ZNF584: variants seen among roughly 807,000 people sequenced by gnomAD.
ZNF584 encodes zinc finger protein 584.
In ZNF584, 12 loss-of-function variants were observed where a neutral mutation model predicts 14.7. The observed-to-expected ratio is 0.82, with a 90% confidence interval of 0.52 to 1.32. The LOEUF (loss-of-function observed/expected upper bound fraction) is 1.32, where lower values mean the gene tolerates loss of function less well. Among genes scored for constraint, ZNF584 ranks in the 40% most tolerant of loss-of-function variants. ZNF584 has a pLI of 0.00. For missense variants in ZNF584, 478 were observed against 518.8 expected (o/e 0.92, Z 0.76); for synonymous variants, 204 against 190.9 (o/e 1.07, Z -0.57).
At chr19:58,410,604 T>C (rs1306152295) in intron 2 of ZNF584, among the ~76,000 whole-genome samples, 1 of 46,496 alleles carries the variant, frequency 2.2e-5, no homozygotes, top group Non-Finnish European at 3.5e-5. Context: ...TATATATATG[T>C]ATATATATGT....
intron 2 of ZNF584, among the ~76,000 whole-genome samples, chr19:58,413,698 G>A (rs891434346): frequency 3.3e-5 from 5 of 150,566 alleles, no homozygotes; most frequent in Non-Finnish European, 5.9e-5. Context: ...ACAGGGTTTC[G>A]CCATGTTGGC....
At chr19:58,409,718 C>T (rs1954744668) in intron 1 of ZNF584, among the ~76,000 whole-genome samples, 1 of 152,014 alleles carries the variant, frequency 6.6e-6, no homozygotes, top group African/African-American at 2.4e-5. Flanking sequence ...AGTAGTAACA[C>T]CAGAAGCATC....
At chr19:58,413,600 A>G (rs1166196475) in intron 2 of ZNF584, among the ~76,000 whole-genome samples, 1 of 145,854 alleles carries the variant, frequency 6.9e-6, no homozygotes, top group East Asian at 2.0e-4. Context: ...TCCGCCCCCC[A>G]AGTTCAAGCG....
At chr19:58,415,117 T>C (rs10408853) in intron 2 of ZNF584, among the ~76,000 whole-genome samples, 46,069 of 151,848 alleles carry the variant, frequency 0.3, 6,966 homozygotes, top group African/African-American at 0.32. Context: ...ATAGTCTTGA[T>C]CTCCTGACCT....
upstream of ZNF584, chr19:58,408,367 G>A (rs1052938589): frequency 2.6e-5 from 4 of 152,306 alleles, no homozygotes; most frequent in African/African-American, 9.6e-5. Flanking sequence ...GACGCGTACA[G>A]GTCACTGAGG....
chr19:58,409,333 G>A (rs1242358395), intron 1 of ZNF584, 168 bp downstream of exon 1: 7 of 814,272 alleles, frequency 8.6e-6, no homozygotes, highest in East Asian at 3.3e-5. Context: ...GAGATGTGCC[G>A]CAGGACTGGG....
At chr19:58,409,590 C>T (rs972414649) in intron 1 of ZNF584, among the ~76,000 whole-genome samples, 2 of 152,138 alleles carry the variant, frequency 1.3e-5, no homozygotes, top group African/African-American at 4.8e-5. Context: ...GAGGTATGAT[C>T]TCTGGGACTG....
At chr19:58,415,876 G>A (rs2052636604) in intron 3 of ZNF584, 1 of 1,599,222 alleles carries the variant, frequency 6.3e-7, no homozygotes, top group Admixed American at 1.7e-5. Flanking sequence ...CTCTGTATCT[G>A]TGCAGAGCTG....
intron 1 of ZNF584, among the ~76,000 whole-genome samples, chr19:58,402,310 C>T (rs950081887): frequency 1.3e-5 from 2 of 152,036 alleles, no homozygotes; most frequent in Non-Finnish European, 2.9e-5. Context: ...GCAGAAGGAG[C>T]AGAGGGTGGT....
chr19:58,414,035 A>G (rs1334572032), intron 2 of ZNF584, among the ~76,000 whole-genome samples: 1 of 151,278 alleles, frequency 6.6e-6, no homozygotes, highest in Admixed American at 6.6e-5. Context: ...GTTCGGCAGG[A>G]TGGTCTCAAA....
At chr19:58,401,774 A>AGTTGTCTG (rs1226888116) in intron 1 of ZNF584, 1 of 145,222 alleles carries the variant, frequency 6.9e-6, no homozygotes, top group African/African-American at 2.6e-5. Flanking sequence ...CGCGGGCTTA[A>AGTTGTCTG]GTTGTCTGGG....
intron 1 of ZNF584, among the ~76,000 whole-genome samples, chr19:58,409,585 A>G (rs11666716): frequency 0.18 from 27,224 of 152,108 alleles, 2,674 homozygotes; most frequent in Non-Finnish European, 0.22. Context: ...TCTGAGAGGT[A>G]TGATCTCTGG....
intron 3 of ZNF584, 139 bp downstream of exon 3, chr19:58,415,785 C>G (rs753731211): frequency 6.2e-7 from 1 of 1,609,952 alleles, no homozygotes; most frequent in Non-Finnish European, 8.5e-7. Context: ...TATGTGGACA[C>G]TGTGCAGTCT....
At position 58,415,529 on chromosome 19, in the gene ZNF584, G is replaced by A. The variant is rs779770980; in HGVS notation, c.175G>A (p.Ala59Thr). ...TTACTACCTGTCACCCGCAGGACTT[G>A]CACCTTCGAGATCCCCTGTGTTTAC... ...NFALVSSLGL[A>T]PSRSPVFTQL... The change falls in exon 3 of 4, where the codon GCA (alanine) becomes ACA (threonine). Residue 59 changes from alanine to threonine, a missense_variant. This residue lies in a region of ZNF584 where 189 missense variants were observed against 177.9 expected (regional missense o/e 1.06). Transcript: ENST00000306910. 7.4e-6 allele frequency: 12 copies of A among 1,612,354 alleles called. No homozygotes were observed. In the East Asian group the frequency reaches 2.0e-4, roughly 27 times the overall value.
At chr19:58,413,821 C>CT (rs974156256) in intron 2 of ZNF584, among the ~76,000 whole-genome samples, 1 of 151,220 alleles carries the variant, frequency 6.6e-6, no homozygotes, top group African/African-American at 2.4e-5. Context: ...CTTTTCTTTT[C>CT]TTTTTTTCTT....
chr19:58,402,111 G>A (rs1246057949), intron 1 of ZNF584, among the ~76,000 whole-genome samples: 2 of 152,000 alleles, frequency 1.3e-5, no homozygotes, highest in East Asian at 3.9e-4. Context: ...AAATTCGAAC[G>A]TAGGTTGATA....
At chr19:58,414,701 A>T (rs374069163) in intron 2 of ZNF584, among the ~76,000 whole-genome samples, 2 of 152,042 alleles carry the variant, frequency 1.3e-5, no homozygotes, top group Admixed American at 6.6e-5. Context: ...TGTGCACGTG[A>T]CAATGTATAT....
chr19:58,408,362 G>C (rs1240262521), upstream of ZNF584: 1 of 152,294 alleles, frequency 6.6e-6, no homozygotes, highest in East Asian at 1.9e-4. Flanking sequence ...GCTAGGACGC[G>C]TACAGGTCAC....
rs1480958355 is a variant in ZNF584 at position 58,409,926 on chromosome 19, A to G, written c.19-15A>G. ...ATATTTTGGTTGTTTTTTTCTGCCC[A>G]TCATTGACCCCAAGGCTCAGTTGGA... On this transcript the variant is annotated splice_polypyrimidine_tract_variant and intron_variant, in intron 1 of 3. Transcript: ENST00000306910. 6.8e-6 allele frequency: 11 copies of G among 1,613,904 alleles called. No individual in the cohort carries two copies. Among genetic ancestry groups the G allele is most frequent in the Non-Finnish European group, 9.3e-6 (11 of 1,180,004 alleles).
Sources: gnomAD v4.1 joint callset for allele counts (sites outside exome capture counted in the v4.1 genomes callset) on GRCh38, gnomAD v4.1.1 for gene constraint, gnomAD v4.1.1 regional missense constraint, MANE v1.5 for transcripts, NCBI Gene and HGNC (gene_info 2026-07-23, HGNC 2026-07-21) for gene names.